Variants in CCDC150 observed in about 807,000 individuals in gnomAD.
CCDC150 encodes coiled-coil domain-containing protein 150.
In CCDC150, 151 loss-of-function variants were observed where a neutral mutation model predicts 156.5. That is an observed-to-expected ratio of 0.97 (90% CI 0.85 to 1.10). CCDC150 has a LOEUF of 1.10. CCDC150 is among the 50% of genes least tolerant of loss of function. The pLI is 0.00. For missense variants in CCDC150, 1,312 were observed against 1,268.1 expected, an observed-to-expected ratio of 1.03 and a Z score of -0.53; for synonymous variants, 452 against 429.4, an observed-to-expected ratio of 1.05 and a Z score of -0.65.
chr2:196,695,636 G>A (rs2125653957), intron 14 of CCDC150, among the ~76,000 whole-genome samples: 1 of 152,236 alleles, frequency 6.6e-6, no homozygotes, highest in South Asian at 2.1e-4. Context: ...GAGGAAAGGA[G>A]ATTGAGACCA....
intron 13 of CCDC150, among the ~76,000 whole-genome samples, chr2:196,679,110 T>C (rs1281230410): frequency 6.6e-6 from 1 of 152,216 alleles, no homozygotes; most frequent in Admixed American, 6.5e-5. Context: ...GTGGTATAAA[T>C]TGATTTTTAA....
rs1559218309 is a variant in CCDC150 at position 196,656,777 on chromosome 2, T to C, written c.321T>C (p.Leu107=). The part of the protein sequence containing the change: ...CEFLVNRMCR[L]ESLMQSLKMN... ...TTCTGGTAAATCGAATGTGCCGTCT[T>C]GAAAGCCTCATGCAGTCCTTGAAGA... Residue 107 remains leucine, a synonymous_variant, in exon 3 of 28, where the codon CTT becomes CTC. Transcript: ENST00000389175. 1 of 1,613,920 alleles carries C rather than the reference T, an allele frequency of 6.2e-7. No homozygotes were observed. Among genetic ancestry groups the C allele is most frequent in the Non-Finnish European group, 8.5e-7 (1 of 1,179,846 alleles).
intron 21 of CCDC150, among the ~76,000 whole-genome samples, chr2:196,722,789 G>C (rs1697995177): frequency 1.3e-5 from 2 of 151,952 alleles, no homozygotes; most frequent in South Asian, 4.1e-4. Flanking sequence ...ATGATTTAGA[G>C]AGCTAGTAAT....
chr2:196,711,714 C>T (rs1349291541), intron 15 of CCDC150, among the ~76,000 whole-genome samples: 2 of 152,032 alleles, frequency 1.3e-5, no homozygotes, highest in Non-Finnish European at 2.9e-5. Flanking sequence ...TGTTCTCCAC[C>T]CCATTCCATT....
At chr2:196,689,229 C>T (rs1695295116) in intron 13 of CCDC150, among the ~76,000 whole-genome samples, 1 of 152,138 alleles carries the variant, frequency 6.6e-6, no homozygotes, top group Non-Finnish European at 1.5e-5. Flanking sequence ...GCGATGTGGG[C>T]TCTTTTTTGG....
intron 14 of CCDC150, among the ~76,000 whole-genome samples, chr2:196,697,340 G>A (rs899193255): frequency 6.6e-6 from 1 of 151,950 alleles, no homozygotes; most frequent in Non-Finnish European, 1.5e-5. Context: ...TTAGCCTGTA[G>A]TGATAGTGCA....
At position 196,713,087 on chromosome 2, in the gene CCDC150, C is replaced by G. The variant is rs1417922458; in HGVS notation, c.1866+348C>G. 2.3e-5 allele frequency: 11 copies of G among 487,736 alleles called. No individual in the cohort carries two copies. In the East Asian group the frequency reaches 3.7e-4, roughly 16 times the overall value. The allele number at this position is 487,736 out of a possible 1,614,324, so 30.2% of individuals were successfully genotyped here. On this transcript the variant is annotated intron_variant, in intron 17 of 27. Coordinates refer to ENST00000389175, the MANE Select transcript of CCDC150 (RefSeq NM_001080539.2). ...CTCATAGAGTTCTAACCACTTGACT[C>G]TGCTGATGAGTGATGAGGTCACAGA...
intron 15 of CCDC150, among the ~76,000 whole-genome samples, chr2:196,703,713 C>T (rs1186686744): frequency 2.0e-5 from 3 of 152,060 alleles, no homozygotes; most frequent in Non-Finnish European, 4.4e-5. Context: ...GCTCTCATGA[C>T]AGACTTAAAG....
At chr2:196,728,483 T>C (rs75348601) in intron 22 of CCDC150, among the ~76,000 whole-genome samples, 1 of 152,298 alleles carries the variant, frequency 6.6e-6, no homozygotes, top group East Asian at 1.9e-4. Context: ...CTTCCTAAAG[T>C]TTTCAAGTGG....
chr2:196,647,637 A>G (rs1043043874), intron 2 of CCDC150, among the ~76,000 whole-genome samples: 2 of 152,100 alleles, frequency 1.3e-5, no homozygotes, highest in African/African-American at 4.8e-5. Context: ...TTTAATTGAC[A>G]AATAATTGTA....
chr2:196,651,886 G>A (rs545894482), intron 2 of CCDC150, among the ~76,000 whole-genome samples: 5 of 152,288 alleles, frequency 3.3e-5, no homozygotes, highest in South Asian at 2.1e-4. Context: ...GCCTCAGGAC[G>A]CTTACAATCA....
chr2:196,709,833 C>G (rs746773369), intron 15 of CCDC150, among the ~76,000 whole-genome samples: 1 of 152,168 alleles, frequency 6.6e-6, no homozygotes, highest in Admixed American at 6.5e-5. Flanking sequence ...GTATCACCAC[C>G]GGAGGCTGCA....
intron 13 of CCDC150, among the ~76,000 whole-genome samples, chr2:196,679,569 G>T (rs187970939): frequency 6.6e-6 from 1 of 152,034 alleles, no homozygotes; most frequent in Non-Finnish European, 1.5e-5. Flanking sequence ...CCTGATTTTG[G>T]CAGTTAATAA....
At chr2:196,721,748 C>T (rs1359134637) in intron 21 of CCDC150, 57 bp downstream of exon 21, 22 of 1,379,690 alleles carry the variant, frequency 1.6e-5, no homozygotes, top group Non-Finnish European at 2.1e-5. Flanking sequence ...GAGTAAGTCA[C>T]ATTCCCATAA....
intron 13 of CCDC150, among the ~76,000 whole-genome samples, chr2:196,678,629 G>C (rs549472930): frequency 6.6e-6 from 1 of 152,144 alleles, no homozygotes; most frequent in African/African-American, 2.4e-5. Flanking sequence ...GAGAGTGGGC[G>C]TGGTGGCTCA....
At chr2:196,652,791 G>C (rs1200246781) in intron 2 of CCDC150, among the ~76,000 whole-genome samples, 1 of 152,236 alleles carries the variant, frequency 6.6e-6, no homozygotes, top group Non-Finnish European at 1.5e-5. Context: ...TTCTGCATGG[G>C]TACCCAGGCT....
chr2:196,702,526 A>G (rs1277275945), intron 15 of CCDC150, among the ~76,000 whole-genome samples: 1 of 151,874 alleles, frequency 6.6e-6, no homozygotes, highest in Non-Finnish European at 1.5e-5. Flanking sequence ...TACCCAGCCA[A>G]GTTTTTTCAT....
chr2:196,705,702 T>G (rs919149826), intron 15 of CCDC150, among the ~76,000 whole-genome samples: 2 of 152,230 alleles, frequency 1.3e-5, no homozygotes, highest in African/African-American at 4.8e-5. Context: ...ATTTAAGTCT[T>G]TAATCCATCT....
At chr2:196,661,766 T>C (rs1017585461) in intron 5 of CCDC150, among the ~76,000 whole-genome samples, 17 of 152,248 alleles carry the variant, frequency 1.1e-4, no homozygotes, top group Admixed American at 6.5e-5. Flanking sequence ...AAACAAATAC[T>C]TCATTAGTAA....
Sources: allele counts gnomAD v4.1 joint callset (sites outside exome capture counted in the v4.1 genomes callset), GRCh38; gene constraint gnomAD v4.1.1; transcripts MANE v1.5; gene names NCBI Gene and HGNC (gene_info 2026-07-23, HGNC 2026-07-21).